Variants in TYW1 observed in about 807,000 individuals in gnomAD.
The protein encoded by TYW1 is tRNA-yW synthesizing protein 1 homolog.
In TYW1, 46 loss-of-function variants were observed where a neutral mutation model predicts 96.2. That is an observed-to-expected ratio of 0.48 (90% confidence interval 0.38 to 0.61). The LOEUF is 0.61. Ranked by LOEUF, TYW1 falls within the 20% of genes least tolerant of loss-of-function variation. TYW1 has a pLI of 0.00. For missense variants in TYW1, 684 were observed against 909.6 expected (o/e 0.75, Z 3.19); for synonymous variants, 274 against 323.0 (o/e 0.85, Z 1.63).
intron 15 of TYW1, among the ~76,000 whole-genome samples, chr7:67,195,977 A>T (rs539209703): frequency 1.2e-4 from 18 of 152,090 alleles, no homozygotes; most frequent in African/African-American, 3.1e-4. Flanking sequence ...TTAAATACTT[A>T]TTCTTTCTCA....
At chr7:67,219,845 G>GTT (rs57991071) in intron 15 of TYW1, among the ~76,000 whole-genome samples, 16 of 132,060 alleles carry the variant, frequency 1.2e-4, no homozygotes, top group African/African-American at 3.4e-4. Context: ...GGTTTTGTGG[G>GTT]TTTTTTTTTT....
intron 13 of TYW1, among the ~76,000 whole-genome samples, chr7:67,142,140 G>A (rs578225148): frequency 1.3e-5 from 2 of 152,320 alleles, no homozygotes; most frequent in African/African-American, 4.8e-5. Context: ...CTGTCGCCCA[G>A]GCTGGAGTGC....
At position 66,998,931 on chromosome 7, in the gene TYW1, G is replaced by A. The variant is rs142997494; in HGVS notation, c.250G>A (p.Gly84Ser). ...TGTGTCTGGAGTGAAGATTTTTTAT[G>A]GTTCTCAGACTGGAACAGCGAAGGT... ...IFVSGVKIFY[G>S]SQTGTAKGFA... Residue 84 changes from glycine (G) to serine (S), a missense_variant, in exon 3 of 16, where the codon GGT (glycine) becomes AGT (serine). Physicochemically the swap from Gly to Ser is moderately conservative, Grantham distance 56. Coordinates refer to ENST00000359626, the MANE Select transcript of TYW1 (RefSeq NM_018264.4). 25 of 1,614,040 alleles carry A rather than the reference G, an allele frequency of 1.5e-5. No individual in the cohort carries two copies. The African/African-American group carries it at 3.2e-4, about 21-fold the overall frequency.
At chr7:67,203,456 GTGGT>G (rs1293146093) in intron 15 of TYW1, among the ~76,000 whole-genome samples, 1 of 152,056 alleles carries the variant, frequency 6.6e-6, no homozygotes, top group East Asian at 1.9e-4. Flanking sequence ...AGACTTTTTA[GTGGT>G]TGATTTACAT....
At chr7:67,047,164 T>C (rs1359672818) in intron 7 of TYW1, among the ~76,000 whole-genome samples, 1 of 152,256 alleles carries the variant, frequency 6.6e-6, no homozygotes, top group African/African-American at 2.4e-5. Context: ...AGACTTGCTA[T>C]AGAATTGCTT....
At chr7:67,185,585 T>C (rs557800181) in intron 14 of TYW1, among the ~76,000 whole-genome samples, 1 of 152,272 alleles carries the variant, frequency 6.6e-6, no homozygotes, top group East Asian at 1.9e-4. Flanking sequence ...TTTGCTGAGA[T>C]ACAGGAAACC....
At chr7:67,139,975 A>C (rs1294121213) in intron 13 of TYW1, among the ~76,000 whole-genome samples, 1 of 152,118 alleles carries the variant, frequency 6.6e-6, no homozygotes, top group East Asian at 1.9e-4. Flanking sequence ...CAAAACAAAG[A>C]GGTTTAATGG....
chr7:67,170,236 T>C (rs1253053850), intron 13 of TYW1, among the ~76,000 whole-genome samples: 1 of 152,236 alleles, frequency 6.6e-6, no homozygotes, highest in African/African-American at 2.4e-5. Flanking sequence ...ATCAATTGGC[T>C]GTTAAGTGTA....
rs529812538 is a variant in TYW1 at position 67,072,934 on chromosome 7, GTTTTTTTTTTT to G, written c.1274+5551_1274+5561del. ...AGGCTTGTGCCACAATGCCTATCCA[GTTTTTTTTTTT>G]TTTTTTTTTTTTTTTTTTTATAGAG... On this transcript the variant is annotated intron_variant, in intron 10 of 15. Transcript: ENST00000359626. Among the ~76,000 whole-genome samples, 39 of 71,260 alleles carry G rather than the reference GTTTTTTTTTTT, an allele frequency of 5.5e-4. No homozygotes were observed. The South Asian group carries it at 5.6e-3, about 10-fold the overall frequency. The allele number at this position is 71,260 out of a possible 152,430, so 46.7% of individuals were successfully genotyped here. A position where few individuals can be genotyped will look rare whatever the true frequency, so the allele number is the denominator to read the frequency against.
intron 4 of TYW1, among the ~76,000 whole-genome samples, chr7:67,012,971 C>T (rs1384184855): frequency 6.6e-6 from 1 of 151,862 alleles, no homozygotes; most frequent in Non-Finnish European, 1.5e-5. Context: ...TAACGGATAC[C>T]TAGCCTGTAT....
intron 15 of TYW1, among the ~76,000 whole-genome samples, chr7:67,217,960 G>C (rs186476340): frequency 6.9e-6 from 1 of 144,974 alleles, no homozygotes; most frequent in Admixed American, 7.2e-5. Flanking sequence ...CCGGGTTCAA[G>C]TGATTCTCCT....
At chr7:67,009,529 G>C (rs1793717155) in intron 3 of TYW1, 54 bp from the exon 4 acceptor site, 1 of 1,505,876 alleles carries the variant, frequency 6.6e-7, no homozygotes, top group Admixed American at 1.9e-5. Context: ...GGGTAATGAG[G>C]GTTATATTTG....
At chr7:67,074,731 T>C (rs1168919036) in intron 10 of TYW1, among the ~76,000 whole-genome samples, 4 of 152,256 alleles carry the variant, frequency 2.6e-5, no homozygotes, top group African/African-American at 9.6e-5. Context: ...AAATAGCCTC[T>C]GAGCCTCAGT....
chr7:67,223,566 A>T (rs1325990806), intron 15 of TYW1, among the ~76,000 whole-genome samples: 1 of 151,282 alleles, frequency 6.6e-6, no homozygotes, highest in Non-Finnish European at 1.5e-5. Context: ...TGGGGGAAGC[A>T]CTGGCCCTTG....
intron 13 of TYW1, among the ~76,000 whole-genome samples, chr7:67,177,583 G>C (rs1273923643): frequency 6.6e-6 from 1 of 152,160 alleles, no homozygotes; most frequent in Non-Finnish European, 1.5e-5. Flanking sequence ...CAAAAACAGA[G>C]ATACAGATAG....
At chr7:67,020,576 C>T (rs1310375522) in intron 6 of TYW1, among the ~76,000 whole-genome samples, 1 of 152,260 alleles carries the variant, frequency 6.6e-6, no homozygotes. Flanking sequence ...ATGTTAACCT[C>T]CTGTTTAAAA....
At chr7:67,212,655 A>G (rs1261175721) in intron 15 of TYW1, among the ~76,000 whole-genome samples, 1 of 142,880 alleles carries the variant, frequency 7.0e-6, no homozygotes, top group African/African-American at 2.6e-5. Context: ...AATTTGGTGT[A>G]TATCACGGTT....
At chr7:67,106,112 G>A (rs1797233194) in intron 12 of TYW1, among the ~76,000 whole-genome samples, 1 of 152,130 alleles carries the variant, frequency 6.6e-6, no homozygotes, top group Admixed American at 6.5e-5. Context: ...GGTCAGGCTG[G>A]TCTCAAACTC....
At chr7:67,216,184 C>T (rs1801193342) in intron 15 of TYW1, among the ~76,000 whole-genome samples, 1 of 149,492 alleles carries the variant, frequency 6.7e-6, no homozygotes, top group Admixed American at 6.7e-5. Flanking sequence ...GTTGCTTGTT[C>T]TTTGAAGTCA....
Sources: gnomAD v4.1 joint callset for allele counts (sites outside exome capture counted in the v4.1 genomes callset) on GRCh38, gnomAD v4.1.1 for gene constraint, MANE v1.5 for transcripts, NCBI Gene and HGNC (gene_info 2026-07-23, HGNC 2026-07-21) for gene names.